The following FAM227B variants were observed in gnomAD, a reference collection of about 807,000 sequenced individuals.
FAM227B encodes family with sequence similarity 227 member B.
A neutral mutation model predicts 73.8 loss-of-function variants in FAM227B; 88 were observed. The ratio of observed to expected loss-of-function variants is 1.19; its 90% confidence interval spans 1.00 to 1.42. The LOEUF is 1.42. FAM227B is among the 40% of genes most tolerant of loss of function. The pLI is 0.00. For missense variants in FAM227B, 632 were observed against 590.9 expected (o/e 1.07, Z -0.72); for synonymous variants, 210 against 190.5 (o/e 1.10, Z -0.84).
chr15:49,594,431 T>A (rs1177837784), intron 3 of FAM227B, among the ~76,000 whole-genome samples: 1 of 152,220 alleles, frequency 6.6e-6, no homozygotes, highest in Non-Finnish European at 1.5e-5. Flanking sequence ...TTAGTTTAAT[T>A]AAGTCCCATC....
chr15:49,575,058 C>G lies in FAM227B; in HGVS notation c.598G>C (p.Ala200Pro), dbSNP rs761913680. The G allele has an allele frequency of 4.4e-6, 7 of 1,600,598 alleles. No homozygotes were observed. Among genetic ancestry groups the G allele is most frequent in the Non-Finnish European group, 5.1e-6 (6 of 1,172,816 alleles). ...CACCAAAAGGAGTCATGCAAAAGAG[C>G]AATGGAGGCTTCTGAGAGAAAATGA... ...KTHFLSEASI[A>P]LLHDSFWWWF... Residue 200 changes from alanine to proline, a missense_variant, in exon 8 of 16, where the codon GCT (alanine) becomes CCT (proline). By Grantham distance (27) the Ala-to-Pro change is conservative (BLOSUM62 -1). Transcript: ENST00000299338.
Position 49,585,440 on chromosome 15 carries a change from G to C in FAM227B, c.405+2576C>G, listed in dbSNP as rs542043973. 3.0e-4 allele frequency among the ~76,000 whole-genome samples: 46 copies of C among 152,202 alleles called. 2 individuals are homozygous for C. The South Asian group carries it at 6.0e-3, about 20-fold the overall frequency. On this transcript the variant is annotated intron_variant, in intron 5 of 15. Transcript: ENST00000299338. ...CACAATAGCAAAGACTTGGAACCAA[G>C]CCAAATGTCCAACAATGATAGACTG...
At chr15:49,501,446 AG>A (rs1263252219) in intron 11 of FAM227B, among the ~76,000 whole-genome samples, 2 of 152,222 alleles carry the variant, frequency 1.3e-5, no homozygotes, top group East Asian at 3.8e-4. Flanking sequence ...GATCTGTGAA[AG>A]CTTGAACTTC....
chr15:49,574,847 A>G, intron 8 of FAM227B, 164 bp downstream of exon 8: 1 of 405,178 alleles, frequency 2.5e-6, no homozygotes, highest in Non-Finnish European at 4.5e-6. Context: ...AACTCCTCTG[A>G]AAGAACTCTA....
chr15:49,500,964 T>C (rs1022365233), intron 11 of FAM227B, among the ~76,000 whole-genome samples: 3 of 152,148 alleles, frequency 2.0e-5, no homozygotes, highest in African/African-American at 7.2e-5. Flanking sequence ...CCTTCTGCCA[T>C]GATTGTAAGC....
At position 49,487,211 on chromosome 15, in the gene FAM227B, T is replaced by C. The variant is rs558254989; in HGVS notation, c.1012+21000A>G. ...TGTAGTTTTCAATTCTGATTCCTATTCACCTTTTGTTTATGAATGGAAAGC... is the reference window on the plus strand; with the variant it reads ...TGTAGTTTTCAATTCTGATTCCTATCCACCTTTTGTTTATGAATGGAAAGC... On this transcript the variant is annotated intron_variant, in intron 11 of 15. Transcript: ENST00000299338. The C allele has an allele frequency of 5.8e-4, 88 of 151,920 alleles. 2 individuals are homozygous for C. The highest frequency in any genetic ancestry group is 4.9e-3 in the Admixed American group (75 of 15,222). 9.4% of individuals were successfully genotyped at this position (151,920 alleles called of 1,614,324 possible). A position where few individuals can be genotyped will look rare whatever the true frequency, so the allele number is the denominator to read the frequency against.
At chr15:49,499,160 C>T (rs1324280944) in intron 11 of FAM227B, among the ~76,000 whole-genome samples, 10 of 105,148 alleles carry the variant, frequency 9.5e-5, no homozygotes, top group African/African-American at 3.0e-4. Flanking sequence ...AGCGAGACTC[C>T]GTCTCAAAAA....
intron 11 of FAM227B, among the ~76,000 whole-genome samples, chr15:49,454,824 T>A (rs1180259541): frequency 6.6e-6 from 1 of 152,102 alleles, no homozygotes; most frequent in African/African-American, 2.4e-5. Context: ...TTAGCCAGGA[T>A]GGTCTCGATC....
chr15:49,466,184 T>C (rs1019747536), intron 11 of FAM227B, among the ~76,000 whole-genome samples: 1 of 152,190 alleles, frequency 6.6e-6, no homozygotes, highest in African/African-American at 2.4e-5. Flanking sequence ...AAAATACTAA[T>C]TATCAAGCTT....
At position 49,615,131 on chromosome 15, in the gene FAM227B, G is replaced by C. The variant is rs923367839; in HGVS notation, c.41C>G (p.Ala14Gly). The stretch of plus-strand genomic sequence containing the variant: ...TGGAAGCTTCCTTACCCCGGGGCCA[G>C]CTCTGCTGCTCCTCCTTTGACATGT... ...QRTCQRRSSR[A>G]GPGKMQEPPK... The change falls in exon 2 of 16, where the codon GCT (alanine) becomes GGT (glycine). Residue 14 changes from alanine (A) to glycine (G), a missense_variant. By Grantham distance (60) the Ala-to-Gly change is moderately conservative. Coordinates refer to ENST00000299338, the MANE Select transcript of FAM227B (RefSeq NM_152647.3). The C allele has an allele frequency of 6.2e-7, 1 of 1,613,828 alleles. No individual in the cohort carries two copies. Among genetic ancestry groups the C allele is most frequent in the African/African-American group, 1.3e-5 (1 of 74,898 alleles).
intron 11 of FAM227B, among the ~76,000 whole-genome samples, chr15:49,474,807 C>A (rs1161687255): frequency 6.6e-6 from 1 of 152,080 alleles, no homozygotes; most frequent in Non-Finnish European, 1.5e-5. Context: ...TGCCAGGGAT[C>A]TAGGTTGCGT....
At chr15:49,432,165 T>C (rs1025829824) in intron 11 of FAM227B, among the ~76,000 whole-genome samples, 16 of 151,706 alleles carry the variant, frequency 1.1e-4, no homozygotes, top group Non-Finnish European at 2.1e-4. Context: ...TCCCATTTTA[T>C]CTGGCTACTT....
intron 9 of FAM227B, among the ~76,000 whole-genome samples, chr15:49,544,517 T>C (rs1430915485): frequency 6.6e-6 from 1 of 152,198 alleles, no homozygotes; most frequent in Non-Finnish European, 1.5e-5. Flanking sequence ...CTTCTTTGAT[T>C]GCTCTGGCTA....
intron 11 of FAM227B, among the ~76,000 whole-genome samples, chr15:49,384,549 T>C (rs2151538582): frequency 6.6e-6 from 1 of 152,116 alleles, no homozygotes; most frequent in South Asian, 2.1e-4. Flanking sequence ...ATCCTCTTAG[T>C]TGTTGATCAC....
At chr15:49,520,665 T>C (rs1344390352) in intron 10 of FAM227B, among the ~76,000 whole-genome samples, 1 of 152,156 alleles carries the variant, frequency 6.6e-6, no homozygotes, top group African/African-American at 2.4e-5. Context: ...CTGCCCTTTA[T>C]AAAACCATCA....
At chr15:49,494,174 C>T (rs1401690986) in intron 11 of FAM227B, among the ~76,000 whole-genome samples, 1 of 151,240 alleles carries the variant, frequency 6.6e-6, no homozygotes, top group South Asian at 2.1e-4. Flanking sequence ...AATTTTAATG[C>T]TTGAGTCTTA....
intron 11 of FAM227B, among the ~76,000 whole-genome samples, chr15:49,451,544 T>C (rs1171766068): frequency 2.0e-5 from 3 of 152,046 alleles, no homozygotes; most frequent in Non-Finnish European, 2.9e-5. Context: ...AAAATTTTAG[T>C]ATTTATATTT....
At chr15:49,477,605 G>A (rs749850884) in intron 11 of FAM227B, among the ~76,000 whole-genome samples, 2 of 152,188 alleles carry the variant, frequency 1.3e-5, no homozygotes, top group African/African-American at 2.4e-5. Flanking sequence ...GTTGCGTCTG[G>A]TTTTTGATGA....
chr15:49,493,440 TC>T (rs1418724281), intron 11 of FAM227B, among the ~76,000 whole-genome samples: 2 of 151,992 alleles, frequency 1.3e-5, no homozygotes, highest in African/African-American at 4.8e-5. Context: ...CTTCCTTGTG[TC>T]TCTGGGATTT....
Sources: gnomAD v4.1 joint callset for allele counts (sites outside exome capture counted in the v4.1 genomes callset) on GRCh38, gnomAD v4.1.1 for gene constraint, MANE v1.5 for transcripts, NCBI Gene and HGNC (gene_info 2026-07-23, HGNC 2026-07-21) for gene names.